The following GNG12 variants were observed in gnomAD, a reference collection of about 807,000 sequenced individuals.
GNG12 encodes guanine nucleotide-binding protein G(I)/G(S)/G(O) subunit gamma-12.
For missense variants in GNG12, 69 were observed against 83.8 expected (o/e 0.82, Z 0.69); for synonymous variants, 28 against 29.7 (o/e 0.94, Z 0.19).
chr1:67,768,247 C>CTT (rs374460642), intron 2 of GNG12, among the ~76,000 whole-genome samples: 52 of 152,318 alleles, frequency 3.4e-4, no homozygotes, highest in African/African-American at 1.3e-3. Context: ...GAAATTGAGG[C>CTT]TTTAAGAGGT....
chr1:67,822,549 G>A (rs1237429675), intron 1 of GNG12, among the ~76,000 whole-genome samples: 2 of 152,116 alleles, frequency 1.3e-5, no homozygotes, highest in Non-Finnish European at 1.5e-5. Flanking sequence ...CATCCAGAGA[G>A]CTTTAAACCA....
At chr1:67,746,807 C>T (rs1646510179) in intron 2 of GNG12, among the ~76,000 whole-genome samples, 1 of 152,180 alleles carries the variant, frequency 6.6e-6, no homozygotes, top group Non-Finnish European at 1.5e-5. Context: ...TTTATTCTCT[C>T]AGAGTCTAAG....
intron 2 of GNG12, among the ~76,000 whole-genome samples, chr1:67,710,192 TTA>T (rs1274998163): frequency 3.4e-5 from 1 of 29,472 alleles, no homozygotes; most frequent in Non-Finnish European, 6.1e-5. Context: ...ATATATATAG[TTA>T]TATATATATA....
chr1:67,705,645 G>C, intron 3 of GNG12, 69 bp from the exon 4 acceptor site: 1 of 1,537,930 alleles, frequency 6.5e-7, no homozygotes, highest in Non-Finnish European at 8.7e-7. Context: ...GAGCGTATTT[G>C]AATGCTAGGC....
intron 2 of GNG12, among the ~76,000 whole-genome samples, chr1:67,729,842 T>C (rs1330451581): frequency 7.2e-5 from 11 of 152,228 alleles, no homozygotes; most frequent in Admixed American, 7.2e-4. Flanking sequence ...TGCTGCAAGC[T>C]ACCATAGATA....
At chr1:67,721,676 TAAG>T (rs767799872) in intron 2 of GNG12, among the ~76,000 whole-genome samples, 1 of 152,148 alleles carries the variant, frequency 6.6e-6, no homozygotes, top group African/African-American at 2.4e-5. Context: ...CCCTACATCT[TAAG>T]AAGGTTATTC....
chr1:67,780,487 T>C (rs1646731425), intron 1 of GNG12, among the ~76,000 whole-genome samples: 4 of 152,316 alleles, frequency 2.6e-5, no homozygotes, highest in South Asian at 4.1e-4. Flanking sequence ...AGGTTAATAA[T>C]GTGTCTAGCT....
At chr1:67,774,071 C>T (rs1365383671) in intron 2 of GNG12, among the ~76,000 whole-genome samples, 1 of 152,166 alleles carries the variant, frequency 6.6e-6, no homozygotes, top group Non-Finnish European at 1.5e-5. Context: ...CTCTGTGTGG[C>T]ATTATCTTTA....
chr1:67,744,429 G>T (rs149100462), intron 2 of GNG12, among the ~76,000 whole-genome samples: 6 of 152,150 alleles, frequency 3.9e-5, no homozygotes, highest in Middle Eastern at 3.4e-3. Context: ...GGCTACCCCT[G>T]GTGTTTCCTC....
intron 3 of GNG12, among the ~76,000 whole-genome samples, chr1:67,706,679 A>T (rs1570471491): frequency 7.3e-6 from 1 of 137,468 alleles, no homozygotes; most frequent in Non-Finnish European, 1.6e-5. Flanking sequence ...TTTTGAGATG[A>T]AGTTTTGTTC....
intron 2 of GNG12, among the ~76,000 whole-genome samples, chr1:67,709,912 TTATATATATAGTTATATATATAGTTA>T (rs1212819202): frequency 0.021 from 1,078 of 50,158 alleles, 112 homozygotes; most frequent in East Asian, 0.043. Context: ...TTTTATATAG[TTATATATATAGTTATATATATAGTTA>T]TATATATATA....
intron 2 of GNG12, among the ~76,000 whole-genome samples, chr1:67,725,600 T>C (rs1212556159): frequency 2.0e-5 from 3 of 152,232 alleles, no homozygotes; most frequent in African/African-American, 4.8e-5. Flanking sequence ...CTAAATTGAT[T>C]AGAATTCTCT....
At chr1:67,738,888 C>T (rs1646467010) in intron 2 of GNG12, among the ~76,000 whole-genome samples, 1 of 152,090 alleles carries the variant, frequency 6.6e-6, no homozygotes, top group South Asian at 2.1e-4. Flanking sequence ...TTTAAAACAA[C>T]AGAAATGGGA....
chr1:67,728,482 G>A (rs1173943404), intron 2 of GNG12, among the ~76,000 whole-genome samples: 1 of 152,126 alleles, frequency 6.6e-6, no homozygotes, highest in South Asian at 2.1e-4. Flanking sequence ...GCCCTCCCTT[G>A]CTTGCTCTTC....
At chr1:67,732,287 A>G (rs762840150) in intron 2 of GNG12, among the ~76,000 whole-genome samples, 4 of 152,270 alleles carry the variant, frequency 2.6e-5, no homozygotes, top group Non-Finnish European at 5.9e-5. Flanking sequence ...GGGGACCCCC[A>G]GTATAAAGCG....
chr1:67,786,130 C>G (rs1646766269), intron 1 of GNG12, among the ~76,000 whole-genome samples: 3 of 152,084 alleles, frequency 2.0e-5, no homozygotes, highest in Non-Finnish European at 4.4e-5. Flanking sequence ...TACAGTATAG[C>G]CTGTGAGCCA....
At chr1:67,787,069 G>GTATATCTGTGTGTGTGTA (rs397828874) in intron 1 of GNG12, among the ~76,000 whole-genome samples, 1 of 145,710 alleles carries the variant, frequency 6.9e-6, no homozygotes, top group African/African-American at 2.7e-5. Flanking sequence ...GTGTGTGTGT[G>GTATATCTGTGTGTGTGTA]TATAGTCCCC....
chr1:67,798,784 T>A (rs1646846900), intron 1 of GNG12, among the ~76,000 whole-genome samples: 1 of 151,988 alleles, frequency 6.6e-6, no homozygotes, highest in African/African-American at 2.4e-5. Flanking sequence ...TGAAAGCCCG[T>A]CTCTACTAAA....
At chr1:67,818,545 A>G (rs754674192) in intron 1 of GNG12, among the ~76,000 whole-genome samples, 6 of 151,628 alleles carry the variant, frequency 4.0e-5, no homozygotes, top group Non-Finnish European at 5.9e-5. Flanking sequence ...GATTCAACAG[A>G]TGTAAAATGA....
Sources: gnomAD v4.1 joint callset for allele counts (sites outside exome capture counted in the v4.1 genomes callset) on GRCh38, gnomAD v4.1.1 for gene constraint, MANE v1.5 for transcripts, NCBI Gene and HGNC (gene_info 2026-07-23, HGNC 2026-07-21) for gene names.